ETF1: variants seen among roughly 807,000 people sequenced by gnomAD.
ETF1 encodes eukaryotic translation termination factor 1.
Under a neutral mutation model 55.1 loss-of-function variants are expected in ETF1, and 4 were observed. The observed-to-expected ratio is 0.07, with a 90% CI of 0.04 to 0.17. The LOEUF (loss-of-function observed/expected upper bound fraction) is 0.17. Ranked by LOEUF, ETF1 falls within the 10% of genes least tolerant of loss-of-function variation. ETF1 has a pLI of 1.00. For synonymous variants in ETF1, 157 were observed against 182.3 expected (o/e 0.86, Z 1.12); for missense variants, 142 against 523.6 (o/e 0.27, Z 7.11).
intron 2 of ETF1, among the ~76,000 whole-genome samples, chr5:138,531,828 C>G (rs927890038): frequency 6.6e-6 from 1 of 152,136 alleles, no homozygotes; most frequent in Non-Finnish European, 1.5e-5. Context: ...GGGCGGATCA[C>G]GAGGTCAGGA....
chr5:138,519,016 T>C, intron 2 of ETF1, 149 bp from the exon 3 acceptor site: 1 of 1,448,420 alleles, frequency 6.9e-7, no homozygotes. Context: ...TATATTAGTC[T>C]TGTTTATGAA....
Position 138,517,719 on chromosome 5 carries a change from AT to A in ETF1, c.263-20del. The A allele has an allele frequency of 7.0e-7, 1 of 1,433,802 alleles. No individual in the cohort carries two copies. Among genetic ancestry groups the A allele is most frequent in the Non-Finnish European group, 9.3e-7 (1 of 1,074,656 alleles). The allele number at this position is 1,433,802 out of a possible 1,614,324, so 88.8% of individuals were successfully genotyped here. A position where few individuals can be genotyped will look rare whatever the true frequency, so the allele number is the denominator to read the frequency against. On this transcript the variant is annotated intron_variant, in intron 3 of 10. Transcript: ENST00000360541. Reference sequence around the variant, plus strand: ...GGAGGTACTGCAAAGAACACAAACAATTTTTCTACTTTACCCCATATCTAGT... The same window carrying A: ...GGAGGTACTGCAAAGAACACAAACAATTTTCTACTTTACCCCATATCTAGT...
rs1480919554 is a variant in ETF1 at position 138,522,471 on chromosome 5, C to T, written c.87-3604G>A. Reference sequence around the variant, plus strand: ...CCTTAGGAGTTTAAACACAGAGTTACCATATGACCCAACCACTCTACTCTT... The same window carrying T: ...CCTTAGGAGTTTAAACACAGAGTTATCATATGACCCAACCACTCTACTCTT... On this transcript the variant is annotated intron_variant, in intron 2 of 10. Transcript: ENST00000360541. Among the ~76,000 whole-genome samples the T allele has an allele frequency of 2.0e-5, 3 of 151,882 alleles. No homozygotes were observed. In the East Asian group the frequency reaches 5.8e-4, roughly 29 times the overall value.
intron 2 of ETF1, chr5:138,541,576 T>C (rs1366014674): frequency 2.0e-6 from 3 of 1,534,908 alleles, no homozygotes; most frequent in Non-Finnish European, 1.7e-6. Context: ...ACAGTAATAA[T>C]GAAGAGCTTG....
Position 138,534,918 on chromosome 5 carries a change from A to AGG in ETF1, c.86+7913_86+7914dup, listed in dbSNP as rs374623511. Among the ~76,000 whole-genome samples the AGG allele has an allele frequency of 4.7e-3, 496 of 106,656 alleles. 5 individuals carry two copies. The highest frequency in any genetic ancestry group is 9.3e-3 in the Middle Eastern group (2 of 216). The allele number at this position is 106,656 out of a possible 152,430, so 70.0% of individuals were successfully genotyped here. ...CTCACAGAGCTGTTATAAGGTTATAAGGGGGGGGGTCAAATGTATGCTTAC... is the reference window on the plus strand; with the variant it reads ...CTCACAGAGCTGTTATAAGGTTATAAGGGGGGGGGGGTCAAATGTATGCTTAC... On this transcript the variant is annotated intron_variant, in intron 2 of 10. Transcript: ENST00000360541.
chr5:138,522,793 T>G (rs1201788992), intron 2 of ETF1, among the ~76,000 whole-genome samples: 1 of 151,734 alleles, frequency 6.6e-6, no homozygotes, highest in Non-Finnish European at 1.5e-5. Context: ...GATCACAAGG[T>G]CAGGAGATCG....
chr5:138,516,546 C>T (rs1439555687), intron 4 of ETF1, among the ~76,000 whole-genome samples: 1 of 152,180 alleles, frequency 6.6e-6, no homozygotes, highest in Non-Finnish European at 1.5e-5. Context: ...AGGCTTGAGG[C>T]ACAAGAATCG....
intron 2 of ETF1, among the ~76,000 whole-genome samples, chr5:138,542,384 A>G (rs1766216187): frequency 6.6e-6 from 1 of 152,214 alleles, no homozygotes; most frequent in African/African-American, 2.4e-5. Context: ...CCCGGGTCTC[A>G]GAAGCCCAGA....
intron 5 of ETF1, 64 bp from the exon 6 acceptor site, chr5:138,513,018 A>G: frequency 1.4e-6 from 2 of 1,450,270 alleles, no homozygotes; most frequent in Non-Finnish European, 1.8e-6. Context: ...TCTTCAAATT[A>G]AAAATAAAAT....
chr5:138,531,269 T>C (rs920528092), intron 2 of ETF1, among the ~76,000 whole-genome samples: 3 of 152,134 alleles, frequency 2.0e-5, no homozygotes, highest in Non-Finnish European at 2.9e-5. Flanking sequence ...TCTCTTTTGT[T>C]CTCTTGCCAT....
intron 2 of ETF1, among the ~76,000 whole-genome samples, chr5:138,524,538 G>A (rs1765376363): frequency 6.7e-6 from 1 of 148,586 alleles, no homozygotes; most frequent in East Asian, 2.0e-4. Flanking sequence ...GGAAACCAGA[G>A]TGAAACTGTG....
chr5:138,511,374 ATACAATCACG>A, intron 7 of ETF1, 91 bp downstream of exon 7: 1 of 1,532,560 alleles, frequency 6.5e-7, no homozygotes, highest in Non-Finnish European at 8.8e-7. Context: ...TGTCTCATAC[ATACAATCACG>A]TACATACACA....
chr5:138,529,047 T>G (rs1765589696), intron 2 of ETF1, among the ~76,000 whole-genome samples: 1 of 152,036 alleles, frequency 6.6e-6, no homozygotes. Flanking sequence ...AGAATCGGCT[T>G]GAGCCTGGGA....
intron 2 of ETF1, among the ~76,000 whole-genome samples, chr5:138,535,360 T>G (rs1225016622): frequency 6.6e-6 from 1 of 151,704 alleles, no homozygotes; most frequent in Non-Finnish European, 1.5e-5. Context: ...AGACAGAGAC[T>G]GGCTATGTTG....
chr5:138,519,665 G>GAA (rs34267508), intron 2 of ETF1, among the ~76,000 whole-genome samples: 13 of 128,296 alleles, frequency 1.0e-4, no homozygotes, highest in African/African-American at 2.9e-4. Flanking sequence ...TTAGTCTCGA[G>GAA]AAAAAAAAAA....
chr5:138,528,000 G>A (rs528283380), intron 2 of ETF1, among the ~76,000 whole-genome samples: 13 of 152,196 alleles, frequency 8.5e-5, no homozygotes, highest in African/African-American at 2.4e-4. Flanking sequence ...TCGAACTCCC[G>A]ACCTCAGGTG....
intron 3 of ETF1, 29 bp downstream of exon 3, chr5:138,518,663 A>G: frequency 6.3e-7 from 1 of 1,594,650 alleles, no homozygotes; most frequent in Non-Finnish European, 8.6e-7. Context: ...AAATGTGTAG[A>G]GAAGGAAAAG....
In ETF1 at chr5:138,508,889, C is replaced by G; in HGVS notation, c.1084-73G>C. 1.9e-6 allele frequency: 3 copies of G among 1,547,056 alleles called. No homozygotes were observed. The Admixed American group carries it at 5.7e-5, about 29-fold the overall frequency. On this transcript the variant is annotated intron_variant, in intron 9 of 10. Transcript: ENST00000360541. ...AAGGCTAATTAGTCCCTCTCACAGCCCCTTGCCCACCTATCACTCTCATCC... is the reference window on the plus strand; with the variant it reads ...AAGGCTAATTAGTCCCTCTCACAGCGCCTTGCCCACCTATCACTCTCATCC...
At chr5:138,539,575 A>C (rs2127137060) in intron 2 of ETF1, among the ~76,000 whole-genome samples, 1 of 152,360 alleles carries the variant, frequency 6.6e-6, no homozygotes, top group South Asian at 2.1e-4. Flanking sequence ...ACAAACTAAC[A>C]TTCGACCAGG....
Sources: allele counts gnomAD v4.1 joint callset (sites outside exome capture counted in the v4.1 genomes callset), GRCh38; gene constraint gnomAD v4.1.1; transcripts MANE v1.5; gene names NCBI Gene and HGNC (gene_info 2026-07-23, HGNC 2026-07-21).